The following INTS1 variants were observed in gnomAD, a reference collection of about 807,000 sequenced individuals.
The protein encoded by INTS1 is integrator complex subunit 1.
INTS1 carries 137 observed loss-of-function variants against 241.6 expected under a neutral mutation model. The observed-to-expected ratio is 0.57, with a 90% CI of 0.49 to 0.65. The LOEUF is 0.65. Ranked by LOEUF, INTS1 falls within the 30% of genes least tolerant of loss-of-function variation. The pLI, the probability that INTS1 is intolerant of heterozygous loss-of-function variation, is 0.00. For synonymous variants in INTS1, 1,692 were observed against 1,337.8 expected, an observed-to-expected ratio of 1.26 and a Z score of -5.78; for missense variants, 3,073 against 3,032.2, an observed-to-expected ratio of 1.01 and a Z score of -0.32.
Position 1,474,296 on chromosome 7 carries a change from G to C in INTS1, c.5701C>G (p.Gln1901Glu), listed in dbSNP as rs894699594. The C allele has an allele frequency of 6.2e-7, 1 of 1,608,734 alleles. No individual in the cohort carries two copies. The highest frequency in any genetic ancestry group is 1.3e-5 in the African/African-American group (1 of 74,804). ...AGGAAGCAGCTCAGGTGGTTCTGCT[G>C]CCGGAACTCCTGGAAGTTGAGGTGG... is the stretch of plus-strand genomic sequence containing the variant. ...RTHLNFQEFRQQNHLSCFLHV... is the reference protein window; with the variant it reads ...RTHLNFQEFREQNHLSCFLHV... Residue 1901 changes from glutamine (Q) to glutamate (E), a missense_variant, in exon 41 of 48, where the codon CAG (glutamine) becomes GAG (glutamate). Coordinates refer to ENST00000404767, the MANE Select transcript of INTS1 (RefSeq NM_001080453.3).
chr7:1,498,947 C>CGGGGG, intron 8 of INTS1, 28 bp downstream of exon 8: 7 of 1,339,308 alleles, frequency 5.2e-6, no homozygotes, highest in Non-Finnish European at 6.1e-6. Context: ...CCCCCTGCCC[C>CGGGGG]GCCCACCCCC....
intron 30 of INTS1, among the ~76,000 whole-genome samples, 199 bp downstream of exon 30, chr7:1,480,118 T>C (rs1781924861): frequency 6.6e-6 from 1 of 152,232 alleles, no homozygotes. Context: ...CTAGCCTCCA[T>C]CTGAGAGCAT....
In INTS1 at chr7:1,485,421, T is replaced by G. The variant is rs769105615; in HGVS notation, c.3025A>C (p.Lys1009Gln). 1.9e-6 allele frequency: 3 copies of G among 1,612,556 alleles called. No homozygotes were observed. The South Asian group carries it at 3.3e-5, about 18-fold the overall frequency. ...SEGSLRDGEEKEPPMEEDVGD... is the reference protein window; with the variant it reads ...SEGSLRDGEEQEPPMEEDVGD... ...ACATCCTCCTCCATGGGGGGCTCCT[T>G]CTCCTCCCCGTCCCGCAGGCTGCCC... The change falls in exon 23 of 48, where the codon AAG (lysine) becomes CAG (glutamine). Residue 1009 changes from lysine (K) to glutamine (Q), a missense_variant. Transcript: ENST00000404767.
At position 1,481,016 on chromosome 7, in the gene INTS1, G is replaced by A. The variant is rs1781969454; in HGVS notation, c.3851-83C>T. On this transcript the variant is annotated intron_variant, in intron 28 of 47. Coordinates refer to ENST00000404767, the MANE Select transcript of INTS1 (RefSeq NM_001080453.3). This position sits in a 1 kb window ranked among gnomAD's most constrained non-coding sequence, Gnocchi z 6.8. ...TCCCTCTCCACAGAAACCAGAGTTG[G>A]AGATGCCCCCACCGTCACCAGCACT... 2.9e-6 allele frequency: 3 copies of A among 1,018,338 alleles called. No homozygotes were observed. The highest frequency in any genetic ancestry group is 4.5e-6 in the Non-Finnish European group (3 of 665,192). The allele number at this position is 1,018,338 out of a possible 1,614,324, so 63.1% of individuals were successfully genotyped here.
At chr7:1,482,845 A>G in intron 26 of INTS1, 138 bp from the exon 27 acceptor site, 2 of 981,124 alleles carry the variant, frequency 2.0e-6, no homozygotes, top group Admixed American at 4.8e-5. Flanking sequence ...CTCCTGTGCT[A>G]GGTGAGCACT....
chr7:1,477,245 G>A (rs1304262577), intron 35 of INTS1, among the ~76,000 whole-genome samples: 1 of 152,224 alleles, frequency 6.6e-6, no homozygotes, highest in African/African-American at 2.4e-5. Flanking sequence ...CCTTTGGGAA[G>A]ATGGAGGCCC....
Position 1,476,368 on chromosome 7 carries a change from TC to T in INTS1, c.5238del (p.Ser1747AlafsTer33). 4 of 1,575,178 alleles carry T rather than the reference TC, an allele frequency of 2.5e-6. No homozygotes were observed. The highest frequency in any genetic ancestry group is 1.8e-5 in the Admixed American group (1 of 55,222). ...CAGGCGGCTGTGTCCCCGTCCTGGCTCCGCGTCTCCGCCTCGGCCAGGATCA... is the reference window on the plus strand; with the variant it reads ...CAGGCGGCTGTGTCCCCGTCCTGGCTCGCGTCTCCGCCTCGGCCAGGATCA... The part of the protein sequence containing the change: ...VELILAEAET[R>X]SQDGDTAACS... On this transcript the variant is annotated frameshift_variant, in exon 38 of 48. Transcript: ENST00000404767. LOFTEE classifies it high-confidence loss of function.
In INTS1 at chr7:1,500,175, T is replaced by C; in HGVS notation, c.541A>G (p.Ile181Val). The change falls in exon 4 of 48, where the codon ATT becomes GTT. Residue 181 changes from isoleucine to valine, a missense_variant. Physicochemically the swap from Ile to Val is conservative, Grantham distance 29. Coordinates refer to ENST00000404767, the MANE Select transcript of INTS1 (RefSeq NM_001080453.3). Reference protein sequence around the residue: ...KPNIFATEGVIEALCSLLRRD... With the variant: ...KPNIFATEGVVEALCSLLRRD... ...GCCAGGGGCCCGGCTCAAACCTCAA[T>C]GACGCCCTCAGTGGCGAAGATGTTG... is the stretch of plus-strand genomic sequence containing the variant. 1.3e-6 allele frequency: 2 copies of C among 1,587,116 alleles called. No homozygotes were observed. Among genetic ancestry groups the C allele is most frequent in the Non-Finnish European group, 8.6e-7 (1 of 1,161,884 alleles).
Position 1,488,816 on chromosome 7 carries a change from C to A in INTS1, c.2318+528G>T, listed in dbSNP as rs144930206. Among the ~76,000 whole-genome samples, 611 of 152,350 alleles carry A rather than the reference C, an allele frequency of 4.0e-3. 7 individuals carry two copies. Among genetic ancestry groups the A allele is most frequent in the African/African-American group, 0.014 (583 of 41,582 alleles). On this transcript the variant is annotated intron_variant, in intron 18 of 47. Coordinates refer to ENST00000404767, the MANE Select transcript of INTS1 (RefSeq NM_001080453.3). ...TGGGCACCAATGCTGCCAGGCACAGCTGGTGGTGAGCCCTGGGCGTCTCCT... is the reference window on the plus strand; with the variant it reads ...TGGGCACCAATGCTGCCAGGCACAGATGGTGGTGAGCCCTGGGCGTCTCCT...
Position 1,493,816 on chromosome 7 carries a change from G to A in INTS1, c.2006C>T (p.Pro669Leu), listed in dbSNP as rs1782712228. 6.4e-7 allele frequency: 1 copy of A among 1,574,614 alleles called. No individual in the cohort carries two copies. The highest frequency in any genetic ancestry group is 8.6e-7 in the Non-Finnish European group (1 of 1,161,374). Residue 669 changes from proline (P) to leucine (L), a missense_variant, in exon 15 of 48, where the codon CCT becomes CTT. Coordinates refer to ENST00000404767, the MANE Select transcript of INTS1 (RefSeq NM_001080453.3). The surrounding 1 kb of genome is among the most constrained non-coding windows in gnomAD (Gnocchi z 5.3). ...GTCAGCAAGCTCCATGGCGTCCGCA[G>A]GCCCGAGCGGGAGCTCCCGGGACAG... ...IGLSRELPLGPADAMELADHL... is the reference protein window; with the variant it reads ...IGLSRELPLGLADAMELADHL...
rs1355040843 is a variant in INTS1 at position 1,494,907 on chromosome 7, G to A, written c.1833-14C>T. On this transcript the variant is annotated splice_polypyrimidine_tract_variant and intron_variant, in intron 13 of 47. Coordinates refer to ENST00000404767, the MANE Select transcript of INTS1 (RefSeq NM_001080453.3). ...ACCTTGTGCAGGCTGGGCAGGCAGA[G>A]AAGAGCCCTCAGTCATGATGTGGGT... 5 of 1,554,234 alleles carry A rather than the reference G, an allele frequency of 3.2e-6. No individual in the cohort carries two copies. In the African/African-American group the frequency reaches 5.5e-5, roughly 17 times the overall value.
intron 6 of INTS1, 36 bp downstream of exon 6, chr7:1,499,437 G>T: frequency 7.0e-7 from 1 of 1,433,142 alleles, no homozygotes; most frequent in Admixed American, 2.3e-5. Context: ...CCTGGGGCTT[G>T]GACACCCGCC....
intron 30 of INTS1, among the ~76,000 whole-genome samples, chr7:1,480,074 A>G (rs981324235): frequency 1.3e-5 from 2 of 152,268 alleles, no homozygotes; most frequent in Non-Finnish European, 2.9e-5. Flanking sequence ...GATGGCAGGG[A>G]GGATGCAGGG....
At position 1,473,591 on chromosome 7, in the gene INTS1, G is replaced by A. The variant is rs11774; in HGVS notation, c.5932C>T (p.Leu1978=). 4,747 of 1,606,226 alleles carry A rather than the reference G, an allele frequency of 3.0e-3. 119 individuals are homozygous for A. The African/African-American group carries it at 0.053, about 18-fold the overall frequency. ...TGGAGCGGGTCGGCGTGCTTCTGCA[G>A]GAAGGAGATGGCTGCTGGGGCATTG... ...TYNAPAAISF[L]QKHADPLHDL... The change falls in exon 42 of 48, where the codon CTG becomes TTG. Residue 1978 remains leucine (L), a synonymous_variant. Coordinates refer to ENST00000404767, the MANE Select transcript of INTS1 (RefSeq NM_001080453.3).
chr7:1,504,140 G>C, intron 1 of INTS1, 139 bp from the exon 2 acceptor site: 1 of 564,086 alleles, frequency 1.8e-6, no homozygotes, highest in South Asian at 2.2e-5. Flanking sequence ...GATGCTGCAG[G>C]AGCTGCAGGG....
chr7:1,483,704 G>T, intron 26 of INTS1, 38 bp downstream of exon 26: 1 of 1,529,242 alleles, frequency 6.5e-7, no homozygotes, highest in Non-Finnish European at 9.0e-7. Flanking sequence ...GGCCCACCTG[G>T]CACGAAGCTG....
In INTS1 at chr7:1,474,760, C is replaced by T; in HGVS notation, c.5581G>A (p.Asp1861Asn). Residue 1861 changes from aspartate (D) to asparagine (N), a missense_variant, in exon 40 of 48, where the codon GAT (aspartate) becomes AAT (asparagine). By Grantham distance (23) the Asp-to-Asn change is conservative. Coordinates refer to ENST00000404767, the MANE Select transcript of INTS1 (RefSeq NM_001080453.3). ...AGCTTCCGGCAGGCCATGCTGGCAT[C>T]CGCCCCTCGGTTCTCCAACGCCCGG... is the stretch of plus-strand genomic sequence containing the variant. Reference protein sequence around the residue: ...DSRALENRGADASMACRKLAV... With the variant: ...DSRALENRGANASMACRKLAV... 1 of 1,569,022 alleles carries T rather than the reference C, an allele frequency of 6.4e-7. No individual in the cohort carries two copies. The highest frequency in any genetic ancestry group is 2.4e-5 in the East Asian group (1 of 42,298).
At position 1,482,886 on chromosome 7, in the gene INTS1, C is replaced by T. The variant is rs144180966; in HGVS notation, c.3542-179G>A. On this transcript the variant is annotated intron_variant, in intron 26 of 47. Coordinates refer to ENST00000404767, the MANE Select transcript of INTS1 (RefSeq NM_001080453.3). Reference sequence around the variant, plus strand: ...TGTGCGGATGCTTTGCGTAGGTGCACGCATTTGATCCTCACAGATGCTGCA... The same window carrying T: ...TGTGCGGATGCTTTGCGTAGGTGCATGCATTTGATCCTCACAGATGCTGCA... The T allele has an allele frequency of 1.5e-3, 963 of 662,896 alleles. 2 individuals are homozygous for T. The highest frequency in any genetic ancestry group is 7.2e-3 in the Middle Eastern group (22 of 3,048). 41.1% of individuals were successfully genotyped at this position (662,896 alleles called of 1,614,324 possible).
intron 3 of INTS1, 78 bp from the exon 4 acceptor site, chr7:1,500,444 C>T (rs1268407173): frequency 6.4e-6 from 9 of 1,409,660 alleles, no homozygotes; most frequent in Non-Finnish European, 8.4e-6. Flanking sequence ...GGGAAGACCA[C>T]GAGGAACCCA....
Sources: gnomAD v4.1 joint callset for allele counts (sites outside exome capture counted in the v4.1 genomes callset) on GRCh38, gnomAD v4.1.1 for gene constraint, Gnocchi (gnomAD v3.1) non-coding constraint, MANE v1.5 for transcripts, NCBI Gene and HGNC (gene_info 2026-07-23, HGNC 2026-07-21) for gene names.